Variants in SETD2 observed in about 807,000 individuals in gnomAD.
SETD2 encodes SET domain containing 2, histone lysine methyltransferase.
SETD2 carries 31 observed loss-of-function variants against 242.1 expected under a neutral mutation model. The observed-to-expected ratio is 0.13, with a 90% CI of 0.10 to 0.17. The LOEUF (loss-of-function observed/expected upper bound fraction) is 0.17, where lower values mean the gene tolerates loss of function less well. SETD2 is among the 10% of genes least tolerant of loss of function. SETD2 has a pLI of 1.00. For missense variants in SETD2, 2,481 were observed against 3,046.3 expected (o/e 0.81, Z 4.37); for synonymous variants, 1,006 against 1,066.5 (o/e 0.94, Z 1.11).
At chr3:47,102,589 G>A (rs1029844044) in intron 7 of SETD2, among the ~76,000 whole-genome samples, 2 of 152,002 alleles carry the variant, frequency 1.3e-5, no homozygotes, top group Admixed American at 1.3e-4. Context: ...CCAGGAGTTC[G>A]AGACCAGCCT....
At position 47,058,440 on chromosome 3, in the gene SETD2, C is replaced by CAAAAAA. The variant is rs1174283471; in HGVS notation, c.6294-956_6294-951dup. Among the ~76,000 whole-genome samples the CAAAAAA allele has an allele frequency of 7.7e-4, 17 of 21,966 alleles. 1 individual carries two copies. The highest frequency in any genetic ancestry group is 3.0e-3 in the African/African-American group (12 of 4,020). The allele number at this position is 21,966 out of a possible 152,430, so 14.4% of individuals were successfully genotyped here. A position where few individuals can be genotyped will look rare whatever the true frequency, so the allele number is the denominator to read the frequency against. On this transcript the variant is annotated intron_variant, in intron 14 of 20. Coordinates refer to ENST00000409792, the MANE Select transcript of SETD2 (RefSeq NM_014159.7). ...TGGGCAACAGGGCAAGACACCGTCT[C>CAAAAAA]AAAAAAAAAAAAAAAAAAAAAAAAC...
At position 47,133,882 on chromosome 3, in the gene SETD2, C is replaced by T. The variant is rs539097798; in HGVS notation, c.72-7219G>A. On this transcript the variant is annotated intron_variant, in intron 1 of 20. Transcript: ENST00000409792. Reference sequence around the variant, plus strand: ...CTGGAGTATGAGATTACAGGGGTAACGATACTGTGAAGAGAAAACTCAAAG... The same window carrying T: ...CTGGAGTATGAGATTACAGGGGTAATGATACTGTGAAGAGAAAACTCAAAG... Among the ~76,000 whole-genome samples the T allele has an allele frequency of 8.5e-5, 13 of 152,164 alleles. No individual in the cohort carries two copies. The South Asian group carries it at 1.7e-3, about 19-fold the overall frequency.
Position 47,124,421 on chromosome 3 carries a change from T to C in SETD2, c.215A>G (p.Lys72Arg), listed in dbSNP as rs1161803180. Residue 72 changes from lysine (K) to arginine (R), a missense_variant, in exon 3 of 21, where the codon AAG (lysine) becomes AGG (arginine). Coordinates refer to ENST00000409792, the MANE Select transcript of SETD2 (RefSeq NM_014159.7). ...KVNLEEQGRQ[K>R]VSFSFSLTKK... ...TGTAAGGCTGAAGCTGAATGACACC[T>C]TCTGTCGTCCCTGTTCTTCCAAATT... 1 of 1,552,026 alleles carries C rather than the reference T, an allele frequency of 6.4e-7. No homozygotes were observed. Among genetic ancestry groups the C allele is most frequent in the South Asian group, 1.2e-5 (1 of 84,070 alleles).
intron 1 of SETD2, among the ~76,000 whole-genome samples, chr3:47,129,175 G>T (rs1016525172): frequency 6.6e-6 from 1 of 152,040 alleles, no homozygotes; most frequent in African/African-American, 2.4e-5. Context: ...GGAGGGGGAA[G>T]TGTTTAAAAA....
intron 15 of SETD2, among the ~76,000 whole-genome samples, chr3:47,053,389 T>C (rs1254671676): frequency 2.0e-5 from 3 of 152,210 alleles, no homozygotes; most frequent in Non-Finnish European, 4.4e-5. Flanking sequence ...ATGACTACTT[T>C]TGCACCAACC....
intron 7 of SETD2, 54 bp downstream of exon 7, chr3:47,103,292 T>C (rs2107687814): frequency 8.3e-7 from 1 of 1,204,570 alleles, no homozygotes; most frequent in East Asian, 2.3e-5. Context: ...AAATTAATGG[T>C]CAGAACAGCA....
At chr3:47,075,827 TAAC>T (rs2041049004) in intron 12 of SETD2, among the ~76,000 whole-genome samples, 3 of 152,300 alleles carry the variant, frequency 2.0e-5, no homozygotes, top group African/African-American at 7.2e-5. Context: ...GTTGAAAAGA[TAAC>T]AATGTGCTTA....
intron 5 of SETD2, among the ~76,000 whole-genome samples, chr3:47,106,538 G>A (rs188854118): frequency 6.0e-4 from 82 of 136,140 alleles, no homozygotes; most frequent in Middle Eastern, 4.0e-3. Flanking sequence ...GCAGCCGGGC[G>A]CAGAGGCTCA....
At chr3:47,034,605 G>A (rs2038921131) in intron 18 of SETD2, among the ~76,000 whole-genome samples, 1 of 152,162 alleles carries the variant, frequency 6.6e-6, no homozygotes, top group Admixed American at 6.5e-5. Flanking sequence ...CGAGGTTACG[G>A]TAAGCTATGC....
At chr3:47,068,493 C>CTT (rs573954456) in intron 12 of SETD2, among the ~76,000 whole-genome samples, 34 of 108,696 alleles carry the variant, frequency 3.1e-4, no homozygotes, top group Admixed American at 5.0e-4. Flanking sequence ...AATACACTAT[C>CTT]TTTTTTTTTT....
At chr3:47,091,434 C>G (rs1430840730) in intron 9 of SETD2, among the ~76,000 whole-genome samples, 4 of 152,094 alleles carry the variant, frequency 2.6e-5, no homozygotes, top group Non-Finnish European at 5.9e-5. Flanking sequence ...CGGGACCAGC[C>G]TGGCAAACAT....
At chr3:47,063,859 T>G (rs2040442617) in intron 13 of SETD2, among the ~76,000 whole-genome samples, 2 of 152,094 alleles carry the variant, frequency 1.3e-5, no homozygotes, top group South Asian at 4.1e-4. Flanking sequence ...GGCAGGTGCC[T>G]GTAATCCTAG....
At chr3:47,135,368 G>A (rs532513295) in intron 1 of SETD2, among the ~76,000 whole-genome samples, 36 of 152,264 alleles carry the variant, frequency 2.4e-4, no homozygotes, top group African/African-American at 6.3e-4. Flanking sequence ...TCTGCCTCCC[G>A]GGCTCAAGCT....
At chr3:47,054,846 C>T (rs2039987063) in intron 15 of SETD2, among the ~76,000 whole-genome samples, 1 of 151,956 alleles carries the variant, frequency 6.6e-6, no homozygotes, top group South Asian at 2.1e-4. Flanking sequence ...GGGTATTATA[C>T]CCATTAAAAC....
chr3:47,026,961 A>C (rs1205691321), intron 18 of SETD2, among the ~76,000 whole-genome samples: 1 of 152,010 alleles, frequency 6.6e-6, no homozygotes, highest in East Asian at 1.9e-4. Flanking sequence ...ATATATATAT[A>C]AAATAAATAA....
rs533392234 is a variant in SETD2, at chr3:47,017,497, T to C, written c.7533+141A>G. On this transcript the variant is annotated intron_variant, in intron 20 of 20. Transcript: ENST00000409792. This position sits in a 1 kb window ranked among gnomAD's most constrained non-coding sequence, Gnocchi z 4.8. ...TAAGGTACGCATCCCTCCCCAAACC[T>C]TCCCTCCCCGTTCCTGGGTCCCCAG... 1 of 735,096 alleles carries C rather than the reference T, an allele frequency of 1.4e-6. No individual in the cohort carries two copies. The highest frequency in any genetic ancestry group is 2.7e-5 in the East Asian group (1 of 37,280). 45.5% of individuals were successfully genotyped at this position (735,096 alleles called of 1,614,324 possible). A position where few individuals can be genotyped will look rare whatever the true frequency, so the allele number is the denominator to read the frequency against.
intron 18 of SETD2, among the ~76,000 whole-genome samples, chr3:47,033,247 C>T (rs2038855581): frequency 6.6e-6 from 1 of 152,208 alleles, no homozygotes; most frequent in Non-Finnish European, 1.5e-5. Flanking sequence ...TCCAGCTTTC[C>T]TTTTAGCCTA....
At chr3:47,074,482 G>A (rs1219470076) in intron 12 of SETD2, among the ~76,000 whole-genome samples, 1 of 152,172 alleles carries the variant, frequency 6.6e-6, no homozygotes, top group African/African-American at 2.4e-5. Flanking sequence ...TGTATTCTTG[G>A]TAAAGACCAT....
intron 15 of SETD2, among the ~76,000 whole-genome samples, chr3:47,051,099 G>C (rs2039823284): frequency 1.3e-5 from 2 of 149,904 alleles, no homozygotes; most frequent in Non-Finnish European, 3.0e-5. Context: ...ACCATTATTT[G>C]TCTCCCTACA....
Sources: allele counts gnomAD v4.1 joint callset (sites outside exome capture counted in the v4.1 genomes callset), GRCh38; gene constraint gnomAD v4.1.1; non-coding constraint Gnocchi (gnomAD v3.1); transcripts MANE v1.5; gene names NCBI Gene and HGNC (gene_info 2026-07-23, HGNC 2026-07-21).